The following GLIS3 variants were observed in gnomAD, a reference collection of about 807,000 sequenced individuals.
GLIS3 encodes GLIS family zinc finger 3.
In GLIS3, 53 loss-of-function variants were observed where a neutral mutation model predicts 78.6. That is an observed-to-expected ratio of 0.67 (90% CI 0.54 to 0.85). The LOEUF (loss-of-function observed/expected upper bound fraction) is 0.85. GLIS3 is among the 40% of genes least tolerant of loss of function. The pLI, the probability that GLIS3 is intolerant of heterozygous loss-of-function variation, is 0.00. For missense variants in GLIS3, 1,703 were observed against 1,231.1 expected, an observed-to-expected ratio of 1.38 and a Z score of -5.74; for synonymous variants, 684 against 509.9, an observed-to-expected ratio of 1.34 and a Z score of -4.60.
chr9:4,453,841 C>T, the GLIS3 span, among the ~76,000 whole-genome samples: 1 of 150,300 alleles, frequency 6.7e-6, no homozygotes, highest in Non-Finnish European at 1.5e-5. Context: ...CACACGGGGG[C>T]TTGTCATGGG....
intron 4 of GLIS3, among the ~76,000 whole-genome samples, chr9:4,051,265 A>G (rs1825728173): frequency 6.6e-6 from 1 of 152,228 alleles, no homozygotes; most frequent in African/African-American, 2.4e-5. Flanking sequence ...CGAATGTGGA[A>G]TGTGGTAGAA....
In GLIS3 at chr9:4,118,974, A is replaced by G. The variant is rs895121033; in HGVS notation, c.597-93T>C. On this transcript the variant is annotated intron_variant, in intron 3 of 10. Transcript: ENST00000381971. The surrounding 1 kb of genome is among the most constrained non-coding windows in gnomAD (Gnocchi z 4.7). ...GAGCTAAAAGAACACTGCATTGACAATCCCTTAAGTATTTCCCCTAATTAC... is the reference window on the plus strand; with the variant it reads ...GAGCTAAAAGAACACTGCATTGACAGTCCCTTAAGTATTTCCCCTAATTAC... 5.4e-6 allele frequency: 7 copies of G among 1,301,594 alleles called. No homozygotes were observed. The highest frequency in any genetic ancestry group is 7.5e-6 in the Non-Finnish European group (7 of 933,762). The allele number at this position is 1,301,594 out of a possible 1,614,324, so 80.6% of individuals were successfully genotyped here.
In GLIS3 at chr9:3,937,112, C is replaced by A. The variant is rs150364458; in HGVS notation, c.1788G>T (p.Pro596=). ...GACAACCCGGATGCTGGCACAAATA[C>A]GGCTTCTCGCCTGTGTGGCTCCGCA... The part of the protein sequence containing the change: ...IHLRSHTGEK[P]YLCQHPGCQK... Residue 596 remains proline (P), a synonymous_variant, in exon 5 of 11, where the codon CCG becomes CCT. Transcript: ENST00000381971. 1 of 1,614,058 alleles carries A rather than the reference C, an allele frequency of 6.2e-7. No individual in the cohort carries two copies. Among genetic ancestry groups the A allele is most frequent in the East Asian group, 2.2e-5 (1 of 44,880 alleles).
At chr9:4,167,675 A>G (rs1249305367) in intron 2 of GLIS3, among the ~76,000 whole-genome samples, 1 of 152,228 alleles carries the variant, frequency 6.6e-6, no homozygotes, top group African/African-American at 2.4e-5. Flanking sequence ...CACAAGTGGC[A>G]GTATCGAGAC....
At chr9:4,094,981 G>C (rs1829825969) in intron 4 of GLIS3, among the ~76,000 whole-genome samples, 1 of 152,066 alleles carries the variant, frequency 6.6e-6, no homozygotes, top group Non-Finnish European at 1.5e-5. Context: ...ATCAGATCAT[G>C]GTAATTAGCA....
At chr9:4,279,754 T>C (rs1317150071) in intron 2 of GLIS3, among the ~76,000 whole-genome samples, 1 of 152,074 alleles carries the variant, frequency 6.6e-6, no homozygotes, top group Non-Finnish European at 1.5e-5. Context: ...TTTAAAATAC[T>C]GATACTAGTT....
chr9:4,367,100 C>T, the GLIS3 span, among the ~76,000 whole-genome samples: 4 of 152,208 alleles, frequency 2.6e-5, no homozygotes, highest in Non-Finnish European at 5.9e-5. Context: ...ATTTCAATGA[C>T]AAAAATCATA....
intron 2 of GLIS3, among the ~76,000 whole-genome samples, chr9:4,344,778 A>G (rs977463713): frequency 8.5e-5 from 13 of 152,130 alleles, no homozygotes; most frequent in Admixed American, 8.5e-4. Flanking sequence ...AATCTTCCCC[A>G]CTGCAGGAAG....
At chr9:4,212,954 G>C (rs1289260291) in intron 2 of GLIS3, among the ~76,000 whole-genome samples, 1 of 152,164 alleles carries the variant, frequency 6.6e-6, no homozygotes, top group Admixed American at 6.5e-5. Flanking sequence ...GAGATGAATG[G>C]AAGAAGCCAA....
chr9:4,090,199 G>A (rs1034890600), intron 4 of GLIS3, among the ~76,000 whole-genome samples: 1 of 152,076 alleles, frequency 6.6e-6, no homozygotes, highest in Admixed American at 6.6e-5. Flanking sequence ...TTCTACACAG[G>A]CCCACTGTCC....
the GLIS3 span, among the ~76,000 whole-genome samples, chr9:4,477,640 C>T: frequency 1.3e-5 from 2 of 152,084 alleles, no homozygotes; most frequent in African/African-American, 2.4e-5. Flanking sequence ...TTTTGAACTC[C>T]TGAGCTCAAG....
At chr9:4,214,991 C>G (rs1159545277) in intron 2 of GLIS3, among the ~76,000 whole-genome samples, 2 of 152,158 alleles carry the variant, frequency 1.3e-5, no homozygotes, top group African/African-American at 4.8e-5. Context: ...GGTGAGACAG[C>G]TCTCCCTGTA....
chr9:4,127,436 A>C (rs1200909214), intron 2 of GLIS3, among the ~76,000 whole-genome samples: 1 of 152,162 alleles, frequency 6.6e-6, no homozygotes, highest in African/African-American at 2.4e-5. Flanking sequence ...ATTGCAGTTT[A>C]TATCTGATCC....
chr9:4,388,642 C>G, the GLIS3 span, among the ~76,000 whole-genome samples: 1 of 152,046 alleles, frequency 6.6e-6, no homozygotes, highest in Admixed American at 6.5e-5. Context: ...CGCCACTGCA[C>G]TCCAGCTTGG....
intron 4 of GLIS3, among the ~76,000 whole-genome samples, chr9:4,015,334 C>T (rs919066139): frequency 1.3e-5 from 2 of 152,204 alleles, no homozygotes; most frequent in African/African-American, 2.4e-5. Context: ...TTCCTGGAAA[C>T]GCATACCAAA....
chr9:4,464,532 T>C, the GLIS3 span, among the ~76,000 whole-genome samples: 7 of 151,974 alleles, frequency 4.6e-5, no homozygotes, highest in Non-Finnish European at 8.8e-5. Context: ...GCAGCTGGGA[T>C]TACAAGTGCC....
At chr9:3,966,246 A>G (rs1817924291) in intron 4 of GLIS3, among the ~76,000 whole-genome samples, 1 of 152,238 alleles carries the variant, frequency 6.6e-6, no homozygotes. Flanking sequence ...GATGAAATCT[A>G]TGACTGTTGC....
chr9:4,450,923 A>G, the GLIS3 span, among the ~76,000 whole-genome samples: 27 of 152,244 alleles, frequency 1.8e-4, no homozygotes, highest in African/African-American at 5.8e-4. Flanking sequence ...CATCAATGCT[A>G]GAAAGAAACT....
intron 4 of GLIS3, among the ~76,000 whole-genome samples, chr9:3,963,596 T>C (rs1351626450): frequency 6.6e-6 from 1 of 152,166 alleles, no homozygotes; most frequent in African/African-American, 2.4e-5. Flanking sequence ...AGAGACCAAA[T>C]AAGAGGAAAA....
Sources: gnomAD v4.1 joint callset for allele counts (sites outside exome capture counted in the v4.1 genomes callset) on GRCh38, gnomAD v4.1.1 for gene constraint, Gnocchi (gnomAD v3.1) non-coding constraint, MANE v1.5 for transcripts, NCBI Gene and HGNC (gene_info 2026-07-23, HGNC 2026-07-21) for gene names.